Variants in DIPK1C observed in about 807,000 individuals in gnomAD.
DIPK1C encodes the protein divergent protein kinase domain 1C.
In DIPK1C, 33 loss-of-function variants were observed where a neutral mutation model predicts 28.0. That is an observed-to-expected ratio of 1.18 (90% CI 0.89 to 1.58). The LOEUF is 1.58. Ranked by LOEUF, DIPK1C falls within the 40% of genes most tolerant of loss-of-function variation. The pLI, the probability that DIPK1C is intolerant of heterozygous loss-of-function variation, is 0.00. For missense variants in DIPK1C, 569 were observed against 568.5 expected (o/e 1.00, Z -0.01); for synonymous variants, 255 against 248.8 (o/e 1.02, Z -0.23).
chr18:74,461,845 A>C (rs915368714), upstream of DIPK1C, among the ~76,000 whole-genome samples: 4 of 152,046 alleles, frequency 2.6e-5, no homozygotes, highest in Non-Finnish European at 5.9e-5. Context: ...CAGCCTCTAC[A>C]TTCTAGGCCC....
chr18:74,439,193 C>G (rs1185859575), intron 3 of DIPK1C, among the ~76,000 whole-genome samples: 2 of 151,728 alleles, frequency 1.3e-5, no homozygotes, highest in African/African-American at 4.8e-5. Flanking sequence ...AAGGCCTTCT[C>G]TACACTAGAA....
intron 3 of DIPK1C, among the ~76,000 whole-genome samples, chr18:74,438,304 T>C (rs1396561031): frequency 6.6e-6 from 1 of 152,242 alleles, no homozygotes; most frequent in Non-Finnish European, 1.5e-5. Flanking sequence ...GGACTTGAGG[T>C]TGCATAATAA....
upstream of DIPK1C, chr18:74,457,362 C>T (rs559703932): frequency 4.9e-3 from 4,262 of 865,980 alleles, 120 homozygotes; most frequent in African/African-American, 0.064. Flanking sequence ...GGAGGGGGAA[C>T]GGGGGAGGGG....
intron 1 of DIPK1C, among the ~76,000 whole-genome samples, chr18:74,455,669 G>A (rs1462967933): frequency 4.1e-5 from 6 of 147,230 alleles, no homozygotes; most frequent in Admixed American, 1.4e-4. Flanking sequence ...TGGAGGTTGC[G>A]GTGAGCCGAG....
intron 2 of DIPK1C, among the ~76,000 whole-genome samples, chr18:74,443,016 T>C (rs750065852): frequency 2.6e-5 from 4 of 152,190 alleles, no homozygotes; most frequent in Non-Finnish European, 5.9e-5. Context: ...GTCAGCTGGC[T>C]TTGGACTGAC....
chr18:74,447,224 C>T lies in DIPK1C; in HGVS notation c.258G>A (p.Ala86=), dbSNP rs9958963. ...GGCAGCGTTGGAACAGCAGCTCTCCCGCCACACACAGGTCCTCGCAGAGGT... is the reference window on the plus strand; with the variant it reads ...GGCAGCGTTGGAACAGCAGCTCTCCTGCCACACACAGGTCCTCGCAGAGGT... ...AGDLCEDLCV[A]GELLFQRCLH... The change falls in exon 2 of 4, where the codon GCG becomes GCA. Residue 86 remains alanine, a synonymous_variant. Coordinates refer to ENST00000343998, the MANE Select transcript of DIPK1C (RefSeq NM_001044369.3). The surrounding 1 kb of genome is among the most constrained non-coding windows in gnomAD (Gnocchi z 4.1). The T allele has an allele frequency of 6.3e-5, 98 of 1,549,672 alleles. No homozygotes were observed. Among genetic ancestry groups the T allele is most frequent in the Middle Eastern group, 1.7e-4 (1 of 6,004 alleles).
At chr18:74,461,387 C>G (rs12966298), upstream of DIPK1C, among the ~76,000 whole-genome samples, 1 of 140,772 alleles carries the variant, frequency 7.1e-6, no homozygotes, top group Non-Finnish European at 1.5e-5. Context: ...TTTCTTCCTT[C>G]CTTTCTTTCT....
intron 3 of DIPK1C, among the ~76,000 whole-genome samples, chr18:74,439,429 CATTAGTCT>C (rs1986069729): frequency 6.6e-6 from 1 of 152,192 alleles, no homozygotes; most frequent in African/African-American, 2.4e-5. Context: ...ACCCGTATTT[CATTAGTCT>C]ATCTCTGAGA....
chr18:74,456,989 C>A, intron 1 of DIPK1C, 73 bp downstream of exon 1: 1 of 1,323,560 alleles, frequency 7.6e-7, no homozygotes, highest in Non-Finnish European at 9.7e-7. Flanking sequence ...CCCGGGAAGG[C>A]TGGGGACCGG....
In DIPK1C at chr18:74,447,707, G is replaced by C. The variant is rs1986305328; in HGVS notation, c.199-424C>G. Among the ~76,000 whole-genome samples the C allele has an allele frequency of 6.6e-6, 1 of 152,174 alleles. No individual in the cohort carries two copies. The highest frequency in any genetic ancestry group is 1.5e-5 in the Non-Finnish European group (1 of 68,026). ...GTCCCACATCTAAGCAGCTAGGTCA[G>C]GTCTCAGCAGAGGGGACCCCAGGAG... On this transcript the variant is annotated intron_variant, in intron 1 of 3. Coordinates refer to ENST00000343998, the MANE Select transcript of DIPK1C (RefSeq NM_001044369.3). This position sits in a 1 kb window ranked among gnomAD's most constrained non-coding sequence, Gnocchi z 4.1.
rs1286115005 is a variant in DIPK1C at position 74,436,734 on chromosome 18, G to C, written c.1042-15C>G. On this transcript the variant is annotated splice_polypyrimidine_tract_variant and intron_variant, in intron 3 of 3. Transcript: ENST00000343998. ...TCACAGATGACCTGAGGGAAAGAAG[G>C]GTGGACAGTTAATTTAGGGCAGCAA... The C allele has an allele frequency of 6.3e-7, 1 of 1,596,404 alleles. No individual in the cohort carries two copies. Among genetic ancestry groups the C allele is most frequent in the Non-Finnish European group, 8.5e-7 (1 of 1,170,764 alleles).
chr18:74,447,593 A>G lies in DIPK1C; in HGVS notation c.199-310T>C. ...AGCTGGGTGACTCCGGGAAAGCCAG[A>G]GGCCAGGAAACCAACAGGTGAAGGG... On this transcript the variant is annotated intron_variant, in intron 1 of 3. Coordinates refer to ENST00000343998, the MANE Select transcript of DIPK1C (RefSeq NM_001044369.3). This position sits in a 1 kb window ranked among gnomAD's most constrained non-coding sequence, Gnocchi z 4.1. Among the ~76,000 whole-genome samples, 1 of 152,200 alleles carries G rather than the reference A, an allele frequency of 6.6e-6. No individual in the cohort carries two copies. The highest frequency in any genetic ancestry group is 1.9e-4 in the East Asian group (1 of 5,188).
Position 74,441,755 on chromosome 18 carries a change from G to A in DIPK1C, c.1041+197C>T, listed in dbSNP as rs550890295. On this transcript the variant is annotated intron_variant, in intron 3 of 3. Coordinates refer to ENST00000343998, the MANE Select transcript of DIPK1C (RefSeq NM_001044369.3). ...CCTCATCAGATGCCCCTGGTCGCCTGACCAACAACCCTGGGGGCAGGCAAC... is the reference window on the plus strand; with the variant it reads ...CCTCATCAGATGCCCCTGGTCGCCTAACCAACAACCCTGGGGGCAGGCAAC... Among the ~76,000 whole-genome samples, 28 of 152,258 alleles carry A rather than the reference G, an allele frequency of 1.8e-4. 1 individual carries two copies. The South Asian group carries it at 5.0e-3, about 27-fold the overall frequency.
At chr18:74,461,262 C>G (rs890720191), upstream of DIPK1C, among the ~76,000 whole-genome samples, 3 of 152,190 alleles carry the variant, frequency 2.0e-5, no homozygotes, top group African/African-American at 7.2e-5. Flanking sequence ...CAACTCCTGC[C>G]TGTAGGATGA....
At chr18:74,456,453 A>T (rs754165552) in intron 1 of DIPK1C, among the ~76,000 whole-genome samples, 1 of 152,228 alleles carries the variant, frequency 6.6e-6, no homozygotes. Context: ...CCGCCTCCGC[A>T]GCGCTCTCTG....
intron 2 of DIPK1C, among the ~76,000 whole-genome samples, chr18:74,444,811 G>A (rs187251068): frequency 3.3e-5 from 5 of 152,194 alleles, no homozygotes; most frequent in South Asian, 2.1e-4. Context: ...AGCACCAGCC[G>A]ACAAAACACA....
chr18:74,459,089 C>A (rs1370816912), upstream of DIPK1C, among the ~76,000 whole-genome samples: 1 of 152,214 alleles, frequency 6.6e-6, no homozygotes, highest in African/African-American at 2.4e-5. Context: ...GACAACAGAA[C>A]GAGACCCTGT....
At chr18:74,436,982 C>T (rs1186414709) in intron 3 of DIPK1C, among the ~76,000 whole-genome samples, 2 of 152,170 alleles carry the variant, frequency 1.3e-5, no homozygotes, top group Non-Finnish European at 2.9e-5. Flanking sequence ...TTCCAGCCCC[C>T]TAGCAGATGG....
Position 74,446,826 on chromosome 18 carries a change from A to C in DIPK1C, c.656T>G (p.Phe219Cys). Reference protein sequence around the residue: ...VLPVLGSCGHFYAVEFLAAGS... With the variant: ...VLPVLGSCGHCYAVEFLAAGS... ...CGCGGCCAGGAACTCCACCGCGTAG[A>C]AGTGGCCGCAGGAACCCAGCACGGG... Residue 219 changes from phenylalanine (F) to cysteine (C), a missense_variant, in exon 2 of 4, where the codon TTC becomes TGC. Physicochemically the swap from Phe to Cys is radical, Grantham distance 205 (BLOSUM62 -2). Transcript: ENST00000343998. 2 of 1,499,382 alleles carry C rather than the reference A, an allele frequency of 1.3e-6. No homozygotes were observed. Among genetic ancestry groups the C allele is most frequent in the Non-Finnish European group, 1.8e-6 (2 of 1,119,638 alleles). 92.9% of individuals were successfully genotyped at this position (1,499,382 alleles called of 1,614,324 possible).
Sources: allele counts gnomAD v4.1 joint callset (sites outside exome capture counted in the v4.1 genomes callset), GRCh38; gene constraint gnomAD v4.1.1; non-coding constraint Gnocchi (gnomAD v3.1); transcripts MANE v1.5; gene names NCBI Gene and HGNC (gene_info 2026-07-23, HGNC 2026-07-21).